Variants in KCNIP4 observed in about 807,000 individuals in gnomAD.
The protein encoded by KCNIP4 is potassium voltage-gated channel interacting protein 4.
KCNIP4 carries 12 observed loss-of-function variants against 34.0 expected under a neutral mutation model. That is an observed-to-expected ratio of 0.35 (90% confidence interval 0.23 to 0.57). The LOEUF (loss-of-function observed/expected upper bound fraction) is 0.57, where lower values mean the gene tolerates loss of function less well. Ranked by LOEUF, KCNIP4 falls within the 20% of genes least tolerant of loss-of-function variation. The probability of loss-of-function intolerance (pLI) is 0.83; values close to 1 mark genes in which losing one functional copy is unlikely to be tolerated. For synonymous variants in KCNIP4, 124 were observed against 102.2 expected, an observed-to-expected ratio of 1.21 and a Z score of -1.29; for missense variants, 238 against 311.7, an observed-to-expected ratio of 0.76 and a Z score of 1.78.
intron 1 of KCNIP4, among the ~76,000 whole-genome samples, chr4:21,385,948 T>A (rs1390263): frequency 0.76 from 115,718 of 152,096 alleles, 45,871 homozygotes; most frequent in Non-Finnish European, 0.89. Flanking sequence ...GATACAACTT[T>A]GGGAGAACTG....
At chr4:20,939,476 C>T (rs1042561860) in intron 1 of KCNIP4, among the ~76,000 whole-genome samples, 11 of 152,002 alleles carry the variant, frequency 7.2e-5, no homozygotes, top group African/African-American at 1.4e-4. Context: ...CAGGTTCAAG[C>T]GATTCTCCTG....
chr4:21,723,267 T>G (rs989290784), intron 1 of KCNIP4, among the ~76,000 whole-genome samples: 3 of 152,140 alleles, frequency 2.0e-5, no homozygotes, highest in African/African-American at 7.2e-5. Flanking sequence ...TTTCCCAAAT[T>G]TGAAGACCCT....
At chr4:21,151,259 A>AT (rs1440732473) in intron 1 of KCNIP4, among the ~76,000 whole-genome samples, 1 of 152,116 alleles carries the variant, frequency 6.6e-6, no homozygotes, top group African/African-American at 2.4e-5. Flanking sequence ...CTCTACCTGT[A>AT]TAAGAAAATC....
At chr4:21,605,468 T>C (rs1341562361) in intron 1 of KCNIP4, among the ~76,000 whole-genome samples, 8 of 152,130 alleles carry the variant, frequency 5.3e-5, no homozygotes, top group Admixed American at 2.0e-4. Flanking sequence ...AACATTCTAT[T>C]TTTAATATTC....
intron 1 of KCNIP4, among the ~76,000 whole-genome samples, chr4:21,705,212 G>A (rs1200117439): frequency 2.0e-5 from 3 of 152,152 alleles, no homozygotes; most frequent in Non-Finnish European, 4.4e-5. Flanking sequence ...TTAAGCAAAG[G>A]GTGGGGGCAG....
At chr4:21,567,144 C>T (rs943734751) in intron 1 of KCNIP4, among the ~76,000 whole-genome samples, 7 of 151,956 alleles carry the variant, frequency 4.6e-5, no homozygotes, top group East Asian at 1.9e-4. Flanking sequence ...ATTCCCTGCC[C>T]GGTATATATG....
chr4:21,582,889 G>T (rs1741340829), intron 1 of KCNIP4, among the ~76,000 whole-genome samples: 1 of 151,790 alleles, frequency 6.6e-6, no homozygotes, highest in Non-Finnish European at 1.5e-5. Flanking sequence ...AGAAGAAAGA[G>T]GATCAAATAT....
chr4:21,032,472 T>C (rs1741109146), intron 1 of KCNIP4, among the ~76,000 whole-genome samples: 1 of 152,106 alleles, frequency 6.6e-6, no homozygotes. Flanking sequence ...AACATATGAC[T>C]CAGAGCAAAC....
intron 1 of KCNIP4, among the ~76,000 whole-genome samples, chr4:21,420,657 A>G (rs1431388157): frequency 1.3e-5 from 2 of 152,196 alleles, no homozygotes; most frequent in African/African-American, 2.4e-5. Context: ...AATAACTGCT[A>G]TTCAATTTTA....
At chr4:21,530,454 T>C (rs1309276789) in intron 1 of KCNIP4, among the ~76,000 whole-genome samples, 2 of 152,174 alleles carry the variant, frequency 1.3e-5, no homozygotes, top group Non-Finnish European at 2.9e-5. Flanking sequence ...TTTTATAATA[T>C]ATCAATACTT....
At chr4:20,917,214 T>G (rs1728942079) in intron 1 of KCNIP4, among the ~76,000 whole-genome samples, 1 of 151,224 alleles carries the variant, frequency 6.6e-6, no homozygotes, top group Non-Finnish European at 1.5e-5. Flanking sequence ...ATTTTTGTAT[T>G]TTTAGTAGAA....
At chr4:20,983,089 G>A (rs2149694484) in intron 1 of KCNIP4, among the ~76,000 whole-genome samples, 1 of 152,256 alleles carries the variant, frequency 6.6e-6, no homozygotes, top group Non-Finnish European at 1.5e-5. Flanking sequence ...AATAGTTAAA[G>A]CAAAGTTAAT....
chr4:21,509,890 G>T (rs1478489487), intron 1 of KCNIP4, among the ~76,000 whole-genome samples: 8 of 152,042 alleles, frequency 5.3e-5, no homozygotes, highest in African/African-American at 1.9e-4. Flanking sequence ...GGCTGAGGCG[G>T]GTGGATCACT....
intron 1 of KCNIP4, among the ~76,000 whole-genome samples, chr4:21,299,498 T>C (rs1264166207): frequency 6.6e-6 from 1 of 152,136 alleles, no homozygotes; most frequent in Non-Finnish European, 1.5e-5. Flanking sequence ...TGTAAAAAGA[T>C]TGTATGTTTA....
chr4:21,605,819 C>T (rs1743600670), intron 1 of KCNIP4, among the ~76,000 whole-genome samples: 1 of 152,058 alleles, frequency 6.6e-6, no homozygotes, highest in African/African-American at 2.4e-5. Context: ...AATTAGTTTT[C>T]ACATGTAAAC....
intron 1 of KCNIP4, among the ~76,000 whole-genome samples, chr4:21,310,332 A>T (rs1181985245): frequency 6.6e-6 from 1 of 151,842 alleles, no homozygotes; most frequent in East Asian, 2.0e-4. Flanking sequence ...CACCACACCC[A>T]GCCTTGCCAG....
At chr4:20,850,258 T>C (rs1333391836) in intron 3 of KCNIP4, 2 of 215,538 alleles carry the variant, frequency 9.3e-6, no homozygotes, top group Non-Finnish European at 1.8e-5. Context: ...AATGAAATTA[T>C]GTCATTATAG....
chr4:21,062,414 T>C (rs1273519017), intron 1 of KCNIP4, among the ~76,000 whole-genome samples: 1 of 152,086 alleles, frequency 6.6e-6, no homozygotes, highest in Non-Finnish European at 1.5e-5. Context: ...ACTATAGATG[T>C]AATTAGTTAG....
At chr4:21,722,768 T>G (rs1218268212) in intron 1 of KCNIP4, among the ~76,000 whole-genome samples, 1 of 152,158 alleles carries the variant, frequency 6.6e-6, no homozygotes, top group Non-Finnish European at 1.5e-5. Context: ...TAAAATGTAT[T>G]ATTGCTGCCA....
Sources: allele counts gnomAD v4.1 joint callset (sites outside exome capture counted in the v4.1 genomes callset), GRCh38; gene constraint gnomAD v4.1.1; transcripts MANE v1.5; gene names NCBI Gene and HGNC (gene_info 2026-07-23, HGNC 2026-07-21).